Variants in RRN3 observed in about 807,000 individuals in gnomAD.
The protein encoded by RRN3 is RNA polymerase I-specific transcription initiation factor RRN3.
RRN3 carries 38 observed loss-of-function variants against 82.3 expected under a neutral mutation model. That is an observed-to-expected ratio of 0.46 (90% CI 0.36 to 0.61). The LOEUF is 0.61. Ranked by LOEUF, RRN3 falls within the 20% of genes least tolerant of loss-of-function variation. RRN3 has a pLI of 0.00. For synonymous variants in RRN3, 284 were observed against 284.3 expected, an observed-to-expected ratio of 1.00 and a Z score of 0.01; for missense variants, 726 against 793.1, an observed-to-expected ratio of 0.92 and a Z score of 1.02.
At chr16:15,089,575 C>T (rs1466208580) in intron 3 of RRN3, among the ~76,000 whole-genome samples, 3 of 151,902 alleles carry the variant, frequency 2.0e-5, no homozygotes, top group East Asian at 1.9e-4. Flanking sequence ...CCAAGGCGGG[C>T]GGATCACGAG....
intron 8 of RRN3, among the ~76,000 whole-genome samples, 166 bp from the exon 9 acceptor site, chr16:15,080,262 G>C (rs549992334): frequency 6.6e-6 from 1 of 151,916 alleles, no homozygotes; most frequent in Non-Finnish European, 1.5e-5. Flanking sequence ...TATTATGTTC[G>C]GTATAATCAT....
intron 8 of RRN3, among the ~76,000 whole-genome samples, chr16:15,082,558 A>C (rs1042020273): frequency 6.6e-6 from 1 of 151,300 alleles, no homozygotes. Flanking sequence ...CTATAGTCCC[A>C]CCTACTCGGG....
chr16:15,066,817 AC>A (rs1353715520), intron 15 of RRN3, among the ~76,000 whole-genome samples: 1 of 151,666 alleles, frequency 6.6e-6, no homozygotes, highest in Non-Finnish European at 1.5e-5. Flanking sequence ...GCCTTTATTT[AC>A]CATATCTGTA....
intron 1 of RRN3, among the ~76,000 whole-genome samples, chr16:15,093,668 G>C (rs1410519776): frequency 6.6e-6 from 1 of 152,216 alleles, no homozygotes; most frequent in Non-Finnish European, 1.5e-5. Flanking sequence ...TAAACGCCAA[G>C]AGTGCTACGG....
chr16:15,080,372 A>G (rs1436080742), intron 8 of RRN3, among the ~76,000 whole-genome samples: 2 of 152,212 alleles, frequency 1.3e-5, no homozygotes, highest in African/African-American at 4.8e-5. Context: ...CACCAACTTA[A>G]AGTATACAAT....
Position 15,063,211 on chromosome 16 carries a change from C to G in RRN3, c.1779G>C (p.Lys593Asn). Residue 593 changes from lysine (K) to asparagine (N), a missense_variant, in exon 17 of 18, where the codon AAG becomes AAC. Transcript: ENST00000198767. ...DMSAEELQEF[K>N]KPMKKDIVED... The stretch of plus-strand genomic sequence containing the variant: ...ACAAACTGACCTTTTTCATGGGTTT[C>G]TTGAACTCCTGTAGCTCTTCAGCAC... 1 of 1,611,202 alleles carries G rather than the reference C, an allele frequency of 6.2e-7. No homozygotes were observed. Among genetic ancestry groups the G allele is most frequent in the South Asian group, 1.1e-5 (1 of 91,032 alleles).
chr16:15,093,887 G>A (rs2151832720), intron 1 of RRN3: 2 of 524,236 alleles, frequency 3.8e-6, no homozygotes, highest in Non-Finnish European at 6.6e-6. Context: ...GCAGTACCCA[G>A]GCCTGGGAAA....
intron 13 of RRN3, among the ~76,000 whole-genome samples, chr16:15,070,920 C>G (rs927250329): frequency 1.3e-5 from 2 of 152,074 alleles, no homozygotes; most frequent in Non-Finnish European, 2.9e-5. Context: ...AAAAGCCTTA[C>G]ATACAGGGTT....
chr16:15,070,294 A>G (rs768421804), intron 13 of RRN3, 40 bp from the exon 14 acceptor site: 1 of 1,606,274 alleles, frequency 6.2e-7, no homozygotes, highest in Non-Finnish European at 8.5e-7. Flanking sequence ...TACACATCAT[A>G]AAAAAACCAG....
At chr16:15,076,963 T>G (rs994512068) in intron 9 of RRN3, among the ~76,000 whole-genome samples, 2 of 149,316 alleles carry the variant, frequency 1.3e-5, no homozygotes, top group South Asian at 4.3e-4. Context: ...TCTGGCTCTG[T>G]GTCCCCACCC....
Position 15,085,704 on chromosome 16 carries a change from G to A in RRN3, c.473-6C>T. On this transcript the variant is annotated splice_polypyrimidine_tract_variant and splice_region_variant and intron_variant, in intron 5 of 17. Coordinates refer to ENST00000198767, the MANE Select transcript of RRN3 (RefSeq NM_018427.5). Reference sequence around the variant, plus strand: ...TTCCTTAATGATCACTCGGGCTTTTGAGGGAAAAAGAAAATATGTTATTCT... The same window carrying A: ...TTCCTTAATGATCACTCGGGCTTTTAAGGGAAAAAGAAAATATGTTATTCT... The A allele has an allele frequency of 1.2e-6, 2 of 1,612,838 alleles. No individual in the cohort carries two copies. Among genetic ancestry groups the A allele is most frequent in the African/African-American group, 1.3e-5 (1 of 74,942 alleles).
chr16:15,083,909 T>C (rs2045807023), intron 7 of RRN3, among the ~76,000 whole-genome samples: 1 of 152,078 alleles, frequency 6.6e-6, no homozygotes, highest in Non-Finnish European at 1.5e-5. Context: ...AGAGACGGGG[T>C]TTCTCCATGT....
chr16:15,087,479 C>G (rs1300017882), intron 3 of RRN3, among the ~76,000 whole-genome samples: 1 of 152,208 alleles, frequency 6.6e-6, no homozygotes, highest in African/African-American at 2.4e-5. Flanking sequence ...ACACGCCTCC[C>G]TATATGCGGA....
chr16:15,084,382 G>C (rs989331239), intron 7 of RRN3, among the ~76,000 whole-genome samples: 7 of 152,142 alleles, frequency 4.6e-5, no homozygotes, highest in African/African-American at 1.7e-4. Flanking sequence ...TAGCATATCT[G>C]TTGAAGATAA....
intron 1 of RRN3, among the ~76,000 whole-genome samples, chr16:15,093,570 C>G (rs2046227025): frequency 1.3e-5 from 2 of 152,120 alleles, no homozygotes; most frequent in African/African-American, 4.8e-5. Flanking sequence ...TATTATGAAT[C>G]ATATTACGCT....
rs572135077 is a variant in RRN3 at position 15,063,347 on chromosome 16, G to A, written c.1707-64C>T. 18 of 1,219,430 alleles carry A rather than the reference G, an allele frequency of 1.5e-5. No individual in the cohort carries two copies. The African/African-American group carries it at 2.5e-4, about 17-fold the overall frequency. 75.5% of individuals were successfully genotyped at this position (1,219,430 alleles called of 1,614,324 possible). On this transcript the variant is annotated intron_variant, in intron 16 of 17. Coordinates refer to ENST00000198767, the MANE Select transcript of RRN3 (RefSeq NM_018427.5). Reference sequence around the variant, plus strand: ...CTTCGGCAGAAGTCAAAATTGGTTTGGATCTTTTCTCACAAGATCTATTAC... The same window carrying A: ...CTTCGGCAGAAGTCAAAATTGGTTTAGATCTTTTCTCACAAGATCTATTAC...
intron 10 of RRN3, among the ~76,000 whole-genome samples, chr16:15,075,505 A>AGGCTGGAGTGGGCC (rs1248990857): frequency 6.6e-6 from 1 of 151,656 alleles, no homozygotes; most frequent in African/African-American, 2.4e-5. Context: ...CAGGAGGTCG[A>AGGCTGGAGTGGGCC]GGCTGGAGTG....
In RRN3 at chr16:15,092,560, T is replaced by C; in HGVS notation, c.144A>G (p.Lys48=). Residue 48 remains lysine, a synonymous_variant, in exon 2 of 18, where the codon AAA becomes AAG. Transcript: ENST00000198767. ...ENDFFNSPPR[K]TVRFGGTVTE... Reference sequence around the variant, plus strand: ...TCACAGTTCCACCAAACCGAACAGTTTTTCTTGGGGGAGAATTGAAAAAGT... The same window carrying C: ...TCACAGTTCCACCAAACCGAACAGTCTTTCTTGGGGGAGAATTGAAAAAGT... 1 of 1,613,712 alleles carries C rather than the reference T, an allele frequency of 6.2e-7. No homozygotes were observed. Among genetic ancestry groups the C allele is most frequent in the Non-Finnish European group, 8.5e-7 (1 of 1,179,666 alleles).
chr16:15,080,132 G>A, intron 8 of RRN3, 36 bp from the exon 9 acceptor site: 4 of 1,560,588 alleles, frequency 2.6e-6, no homozygotes, highest in Non-Finnish European at 3.5e-6. Context: ...CATTTCAACA[G>A]AGAATAAACG....
Sources: allele counts gnomAD v4.1 joint callset (sites outside exome capture counted in the v4.1 genomes callset), GRCh38; gene constraint gnomAD v4.1.1; transcripts MANE v1.5; gene names NCBI Gene and HGNC (gene_info 2026-07-23, HGNC 2026-07-21).